The following JAM3 variants were observed in gnomAD, a reference collection of about 807,000 sequenced individuals.
JAM3 encodes junctional adhesion molecule 3, also known as junctional adhesion molecule C.
Under a neutral mutation model 39.4 loss-of-function variants are expected in JAM3, and 31 were observed. The ratio of observed to expected loss-of-function variants is 0.79; its 90% CI spans 0.59 to 1.06. The LOEUF is 1.06. JAM3 is among the 50% of genes least tolerant of loss of function. JAM3 has a pLI of 0.00. For synonymous variants in JAM3, 182 were observed against 148.7 expected, an observed-to-expected ratio of 1.22 and a Z score of -1.63; for missense variants, 455 against 391.4, an observed-to-expected ratio of 1.16 and a Z score of -1.37.
intron 1 of JAM3, among the ~76,000 whole-genome samples, chr11:134,129,122 CTTTT>C (rs35267285): frequency 5.1e-5 from 7 of 136,386 alleles, no homozygotes; most frequent in Admixed American, 1.5e-4. Flanking sequence ...TCTTCAAGTT[CTTTT>C]TTTTTTTTTT....
intron 3 of JAM3, 127 bp downstream of exon 3, chr11:134,140,897 T>C: frequency 8.1e-7 from 1 of 1,236,288 alleles, no homozygotes; most frequent in East Asian, 2.8e-5. Flanking sequence ...TTTTTTTTTT[T>C]TAAAGATTTA....
At chr11:134,120,821 T>G (rs1284445166) in intron 1 of JAM3, among the ~76,000 whole-genome samples, 1 of 152,196 alleles carries the variant, frequency 6.6e-6, no homozygotes, top group Non-Finnish European at 1.5e-5. Flanking sequence ...AATCAGGAAA[T>G]TTGTGGGCTG....
Position 134,151,081 on chromosome 11 carries a change from A to G in JAM3, c.*1900A>G, listed in dbSNP as rs775515878. The stretch of plus-strand genomic sequence containing the variant: ...TGGACTCAGGACTGAAGTGCTGTAA[A>G]GCAAGGAGCTGCTGAGAAGGAGCAC... On this transcript the variant is annotated 3_prime_UTR_variant, in exon 9 of 9. Coordinates refer to ENST00000299106, the MANE Select transcript of JAM3 (RefSeq NM_032801.5). 1.3e-5 allele frequency: 2 copies of G among 152,282 alleles called. No individual in the cohort carries two copies. Among genetic ancestry groups the G allele is most frequent in the Non-Finnish European group, 2.9e-5 (2 of 68,064 alleles). The allele number at this position is 152,282 out of a possible 1,614,324, so 9.4% of individuals were successfully genotyped here. A position where few individuals can be genotyped will look rare whatever the true frequency, so the allele number is the denominator to read the frequency against.
In JAM3 at chr11:134,148,996, T is replaced by A. The variant is rs539222462; in HGVS notation, c.898-150T>A. On this transcript the variant is annotated intron_variant, in intron 8 of 8. Transcript: ENST00000299106. ...CACACACACACACACACACACACAC[T>A]AATGGGATTTGTGCTTTGCAAGCGC... is the stretch of plus-strand genomic sequence containing the variant. 0.036 allele frequency: 26,982 copies of A among 752,766 alleles called. 613 individuals are homozygous for A. Among genetic ancestry groups the A allele is most frequent in the Non-Finnish European group, 0.045 (20,801 of 457,454 alleles). 46.6% of individuals were successfully genotyped at this position (752,766 alleles called of 1,614,324 possible). A position where few individuals can be genotyped will look rare whatever the true frequency, so the allele number is the denominator to read the frequency against.
At chr11:134,109,922 C>T (rs1942277720) in intron 1 of JAM3, among the ~76,000 whole-genome samples, 1 of 152,228 alleles carries the variant, frequency 6.6e-6, no homozygotes, top group African/African-American at 2.4e-5. Flanking sequence ...ACACAGCTTT[C>T]AGCTTAGTTT....
intron 1 of JAM3, chr11:134,139,616 A>G: frequency 1.8e-6 from 1 of 545,602 alleles, no homozygotes; most frequent in South Asian, 2.0e-5. Context: ...GGGACTAAAA[A>G]GGAGAAGGAA....
At chr11:134,128,791 C>T (rs973967700) in intron 1 of JAM3, among the ~76,000 whole-genome samples, 7 of 152,148 alleles carry the variant, frequency 4.6e-5, no homozygotes, top group Non-Finnish European at 8.8e-5. Context: ...ATCACCCAGT[C>T]TCTGGTAGTT....
chr11:134,134,062 A>C (rs1175295162), intron 1 of JAM3, among the ~76,000 whole-genome samples: 1 of 152,104 alleles, frequency 6.6e-6, no homozygotes, highest in East Asian at 1.9e-4. Context: ...GAGAGATGGA[A>C]ATTTTTAGAA....
intron 3 of JAM3, among the ~76,000 whole-genome samples, chr11:134,142,346 G>T (rs891940250): frequency 1.3e-5 from 2 of 152,148 alleles, no homozygotes; most frequent in African/African-American, 4.8e-5. Flanking sequence ...ACATGGTAAA[G>T]GTTCGAATCC....
chr11:134,124,368 G>C (rs934767130), intron 1 of JAM3: 2 of 671,570 alleles, frequency 3.0e-6, no homozygotes, highest in Non-Finnish European at 5.4e-6. Flanking sequence ...TGAGTGTGAT[G>C]GGAAAAGTGA....
intron 1 of JAM3, chr11:134,139,597 C>T (rs1942936598): frequency 4.0e-6 from 2 of 505,454 alleles, no homozygotes; most frequent in Non-Finnish European, 7.2e-6. Context: ...GCTCTGAGGG[C>T]TTTGTTCTGG....
intron 1 of JAM3, chr11:134,124,023 A>G: frequency 2.7e-6 from 4 of 1,458,074 alleles, no homozygotes; most frequent in Non-Finnish European, 3.8e-6. Context: ...CAATCCCGCA[A>G]CACAAGGCAC....
At chr11:134,148,237 G>C in intron 6 of JAM3, 1 of 414,176 alleles carries the variant, frequency 2.4e-6, no homozygotes, top group Non-Finnish European at 4.5e-6. Flanking sequence ...TCCTCCATAA[G>C]TAATCTCAGG....
In JAM3 at chr11:134,111,545, A is replaced by G. The variant is rs1161745779; in HGVS notation, c.77-28306A>G. ...AAGAAACTCTACTTCTCCTCATACC[A>G]TTAATTCGATGTTAGGGAAGGATCA... On this transcript the variant is annotated intron_variant, in intron 1 of 8. Transcript: ENST00000299106. Among the ~76,000 whole-genome samples, 3 of 152,206 alleles carry G rather than the reference A, an allele frequency of 2.0e-5. No individual in the cohort carries two copies. In the East Asian group the frequency reaches 5.8e-4, roughly 29 times the overall value.
intron 2 of JAM3, 110 bp downstream of exon 2, chr11:134,140,026 C>T: frequency 1.1e-6 from 1 of 878,612 alleles, no homozygotes; most frequent in South Asian, 1.4e-5. Context: ...GGGAGATGTT[C>T]CGGGTGGACT....
chr11:134,079,910 T>C (rs554825195), intron 1 of JAM3, among the ~76,000 whole-genome samples: 1 of 152,374 alleles, frequency 6.6e-6, no homozygotes, highest in South Asian at 2.1e-4. Context: ...CAGGTAAACT[T>C]GGTTTGAAGC....
chr11:134,123,994 C>T (rs2120784979), intron 1 of JAM3: 1 of 1,515,070 alleles, frequency 6.6e-7, no homozygotes, highest in African/African-American at 1.4e-5. Context: ...GCAAGTGCAA[C>T]CAGCACAGGT....
intron 6 of JAM3, among the ~76,000 whole-genome samples, chr11:134,147,447 A>G (rs1452120875): frequency 2.4e-5 from 3 of 125,074 alleles, no homozygotes; most frequent in African/African-American, 1.1e-4. Context: ...GTGACGGAGC[A>G]AGACTCTGTC....
chr11:134,107,277 A>G (rs896522118), intron 1 of JAM3, among the ~76,000 whole-genome samples: 2 of 152,166 alleles, frequency 1.3e-5, no homozygotes, highest in Non-Finnish European at 2.9e-5. Flanking sequence ...GTGGGAATTG[A>G]ACAATGAGAA....
Sources: allele counts gnomAD v4.1 joint callset (sites outside exome capture counted in the v4.1 genomes callset), GRCh38; gene constraint gnomAD v4.1.1; transcripts MANE v1.5; gene names NCBI Gene and HGNC (gene_info 2026-07-23, HGNC 2026-07-21).